Variants in DHX37 observed in about 807,000 individuals in gnomAD.
The protein encoded by DHX37 is probable ATP-dependent RNA helicase DHX37.
In DHX37, 52 loss-of-function variants were observed where a neutral mutation model predicts 134.3. The observed-to-expected ratio is 0.39, with a 90% CI of 0.31 to 0.49. The LOEUF (loss-of-function observed/expected upper bound fraction) is 0.49, where lower values mean the gene tolerates loss of function less well. Among genes scored for constraint, DHX37 ranks in the 20% least tolerant of loss-of-function variants. The pLI, the probability that DHX37 is intolerant of heterozygous loss-of-function variation, is 0.93. For synonymous variants in DHX37, 634 were observed against 670.7 expected (o/e 0.95, Z 0.85); for missense variants, 1,344 against 1,580.8 (o/e 0.85, Z 2.54).
intron 18 of DHX37, among the ~76,000 whole-genome samples, chr12:124,954,508 C>T (rs1366996543): frequency 1.3e-5 from 2 of 151,998 alleles, no homozygotes; most frequent in Non-Finnish European, 2.9e-5. Context: ...ATTCTCCTGA[C>T]TCAGCCTCCC....
chr12:124,982,033 G>T (rs1267886156), intron 3 of DHX37, among the ~76,000 whole-genome samples: 2 of 150,880 alleles, frequency 1.3e-5, no homozygotes, highest in Non-Finnish European at 2.9e-5. Context: ...TGAGGCAGGA[G>T]AATCGCTTGA....
intron 25 of DHX37, 133 bp from the exon 26 acceptor site, chr12:124,948,314 G>A: frequency 1.4e-6 from 2 of 1,425,950 alleles, no homozygotes; most frequent in South Asian, 2.8e-5. Context: ...GCTGGGCATG[G>A]TGACATGCAC....
rs1954780852 is a variant in DHX37, at chr12:124,982,608, G to A, written c.292C>T (p.Gln98Ter). 1.9e-6 allele frequency: 3 copies of A among 1,613,488 alleles called. No homozygotes were observed. Among genetic ancestry groups the A allele is most frequent in the Non-Finnish European group, 2.5e-6 (3 of 1,179,764 alleles). ...EKKSQRAEML[Q>*]KLSEVQASEA... ...GAAGCCTGGACTTCACTCAGCTTCT[G>A]TAGCATCTCTGCTCGCTGGGAAAGG... The change falls in exon 3 of 27, where the codon CAG (glutamine) becomes TAG (stop). Residue 98 changes from glutamine to a stop codon, truncating the protein, a stop_gained. Transcript: ENST00000308736. LOFTEE classifies it high-confidence loss of function.
chr12:124,950,906 A>G, intron 21 of DHX37, 102 bp from the exon 22 acceptor site: 1 of 1,418,424 alleles, frequency 7.1e-7, no homozygotes, highest in Non-Finnish European at 9.2e-7. Flanking sequence ...CTCCAGCCGC[A>G]AAAGTGGGAG....
At chr12:124,951,028 T>G (rs1297252788) in intron 21 of DHX37, among the ~76,000 whole-genome samples, 1 of 152,176 alleles carries the variant, frequency 6.6e-6, no homozygotes, top group East Asian at 1.9e-4. Flanking sequence ...CCCAACACTC[T>G]GGGAGGCCGA....
intron 8 of DHX37, 115 bp from the exon 9 acceptor site, chr12:124,969,083 G>A: frequency 2.0e-6 from 2 of 985,712 alleles, no homozygotes; most frequent in Non-Finnish European, 3.0e-6. Context: ...CCCACCCTCT[G>A]CCCCTTTCTG....
chr12:124,959,723 T>C (rs1176051718), intron 16 of DHX37, among the ~76,000 whole-genome samples: 1 of 152,250 alleles, frequency 6.6e-6, no homozygotes, highest in African/African-American at 2.4e-5. Flanking sequence ...GAAGTTTTTA[T>C]GATTTTGAAC....
intron 5 of DHX37, among the ~76,000 whole-genome samples, chr12:124,976,754 C>T (rs568204543): frequency 5.3e-5 from 8 of 150,826 alleles, no homozygotes; most frequent in East Asian, 3.8e-4. Context: ...GGCGTGAACC[C>T]GGGAGGCGCA....
chr12:124,968,498 G>T (rs778195592), intron 10 of DHX37, 36 bp downstream of exon 10: 8 of 1,606,636 alleles, frequency 5.0e-6, no homozygotes, highest in Non-Finnish European at 8.5e-7. Flanking sequence ...GTTTAGGAAG[G>T]GAGGCTTCTT....
intron 15 of DHX37, among the ~76,000 whole-genome samples, chr12:124,962,406 A>G (rs749931758): frequency 6.6e-6 from 1 of 152,178 alleles, no homozygotes; most frequent in Non-Finnish European, 1.5e-5. Flanking sequence ...CTGCAATCCC[A>G]GCACTTTGGG....
intron 15 of DHX37, among the ~76,000 whole-genome samples, chr12:124,961,302 G>GCA (rs1734509652): frequency 7.2e-6 from 1 of 139,682 alleles, no homozygotes; most frequent in Non-Finnish European, 1.5e-5. Flanking sequence ...ACGCGTGCAC[G>GCA]CACGCACACA....
In DHX37 at chr12:124,986,067, C is replaced by T. The variant is rs181763432; in HGVS notation, c.276+29G>A. ...CATCTCTCTCTATGCTGGAGAGCCA[C>T]TTGCAGACCCTGCCCGAGTGGGGTG... On this transcript the variant is annotated intron_variant, in intron 2 of 26. Transcript: ENST00000308736. The T allele has an allele frequency of 1.1e-4, 178 of 1,611,934 alleles. No individual in the cohort carries two copies. In the Admixed American group the frequency reaches 1.2e-3, roughly 11 times the overall value.
chr12:124,963,927 C>T (rs949917147), intron 15 of DHX37, among the ~76,000 whole-genome samples: 5 of 148,132 alleles, frequency 3.4e-5, no homozygotes, highest in African/African-American at 1.2e-4. Context: ...GTAGGCCAGG[C>T]ATGGTGGCTC....
At chr12:124,955,537 T>C (rs1259828065) in intron 18 of DHX37, among the ~76,000 whole-genome samples, 1 of 152,224 alleles carries the variant, frequency 6.6e-6, no homozygotes, top group African/African-American at 2.4e-5. Context: ...CTCAAATTCC[T>C]GACCTCTCAA....
intron 4 of DHX37, among the ~76,000 whole-genome samples, chr12:124,978,392 A>T (rs1027741449): frequency 6.6e-6 from 1 of 151,130 alleles, no homozygotes. Context: ...ATCTTGGCTC[A>T]CTGCAACCTC....
At chr12:124,964,301 A>C in intron 15 of DHX37, 93 bp downstream of exon 15, 1 of 1,574,172 alleles carries the variant, frequency 6.4e-7, no homozygotes, top group Non-Finnish European at 8.6e-7. Context: ...AACATACTAC[A>C]GATGGAGGTG....
chr12:124,957,107 G>T lies in DHX37; in HGVS notation c.2186C>A (p.Pro729His). ...KVINFPFPTP[P>H]SVEALLAAEE... is the part of the protein sequence containing the mutation. ...GGCGGCAAGAAGGGCTTCCACGGAGGGGGGCGTCGGGAAGGGGAAGTTGAT... is the reference window on the plus strand; with the variant it reads ...GGCGGCAAGAAGGGCTTCCACGGAGTGGGGCGTCGGGAAGGGGAAGTTGAT... The change falls in exon 17 of 27, where the codon CCC becomes CAC. Residue 729 changes from proline (P) to histidine (H), a missense_variant. Physicochemically the swap from Pro to His is moderately conservative, Grantham distance 77. Transcript: ENST00000308736. 1 of 1,497,562 alleles carries T rather than the reference G, an allele frequency of 6.7e-7. No homozygotes were observed. The highest frequency in any genetic ancestry group is 8.9e-7 in the Non-Finnish European group (1 of 1,126,620). The allele number at this position is 1,497,562 out of a possible 1,614,324, so 92.8% of individuals were successfully genotyped here. A position where few individuals can be genotyped will look rare whatever the true frequency, so the allele number is the denominator to read the frequency against.
chr12:124,972,387 C>T lies in DHX37; in HGVS notation c.1077+116G>A, dbSNP rs187959868. The T allele has an allele frequency of 6.0e-5, 61 of 1,024,912 alleles. 1 individual carries two copies. The East Asian group carries it at 1.0e-3, about 18-fold the overall frequency. 63.5% of individuals were successfully genotyped at this position (1,024,912 alleles called of 1,614,324 possible). On this transcript the variant is annotated intron_variant, in intron 7 of 26. Transcript: ENST00000308736. ...CTCACCCAAAGTCACACAGCAGCAC[C>T]GTGGGAGTGCTGGATCAACAGGTGG...
chr12:124,947,835 G>A lies in DHX37; in HGVS notation c.3441C>T (p.Ile1147=), dbSNP rs1211523377. 7 of 1,602,004 alleles carry A rather than the reference G, an allele frequency of 4.4e-6. No individual in the cohort carries two copies. Among genetic ancestry groups the A allele is most frequent in the East Asian group, 4.5e-5 (2 of 44,788 alleles). ...EWLPQAMHPD[I]EKAWPPTTVH Reference sequence around the variant, plus strand: ...CAGTGGTGGGGGGCCAGGCTTTCTCGATATCGGGGTGCATGGCCTGTGGAA... The same window carrying A: ...CAGTGGTGGGGGGCCAGGCTTTCTCAATATCGGGGTGCATGGCCTGTGGAA... Residue 1147 remains isoleucine (I), a synonymous_variant, in exon 27 of 27, where the codon ATC becomes ATT. Coordinates refer to ENST00000308736, the MANE Select transcript of DHX37 (RefSeq NM_032656.4).
Sources: gnomAD v4.1 joint callset for allele counts (sites outside exome capture counted in the v4.1 genomes callset) on GRCh38, gnomAD v4.1.1 for gene constraint, MANE v1.5 for transcripts, NCBI Gene and HGNC (gene_info 2026-07-23, HGNC 2026-07-21) for gene names.